Variants in RANBP2 observed in about 807,000 individuals in gnomAD.
RANBP2 encodes E3 SUMO-protein ligase RanBP2.
RANBP2 carries 57 observed loss-of-function variants against 303.6 expected under a neutral mutation model. The ratio of observed to expected loss-of-function variants is 0.19; its 90% CI spans 0.15 to 0.23. The LOEUF (loss-of-function observed/expected upper bound fraction) is 0.23, where lower values mean the gene tolerates loss of function less well. RANBP2 is among the 10% of genes least tolerant of loss of function. The probability of loss-of-function intolerance (pLI) is 1.00; values close to 1 mark genes in which losing one functional copy is unlikely to be tolerated. For missense variants in RANBP2, 3,138 were observed against 3,780.8 expected, an observed-to-expected ratio of 0.83 and a Z score of 4.46; for synonymous variants, 1,167 against 1,301.5, an observed-to-expected ratio of 0.90 and a Z score of 2.23.
the RANBP2 span, among the ~76,000 whole-genome samples, chr2:109,021,251 C>T: frequency 1.3e-5 from 2 of 152,108 alleles, no homozygotes; most frequent in African/African-American, 2.4e-5. Context: ...CCATCGGGCG[C>T]GGTGGCTCAC....
chr2:108,828,248 A>G, the RANBP2 span, among the ~76,000 whole-genome samples: 2 of 152,222 alleles, frequency 1.3e-5, no homozygotes, highest in Non-Finnish European at 2.9e-5. Flanking sequence ...AAATACGAGA[A>G]CAAGGAAGGT....
chr2:108,880,598 C>CATTCTGTAA, the RANBP2 span, among the ~76,000 whole-genome samples: 1 of 152,158 alleles, frequency 6.6e-6, no homozygotes, highest in Admixed American at 6.5e-5. Context: ...GCTCATTTGC[C>CATTCTGTAA]ATTCTGTAAA....
the RANBP2 span, among the ~76,000 whole-genome samples, chr2:108,887,698 T>C: frequency 6.6e-6 from 1 of 152,208 alleles, no homozygotes; most frequent in Admixed American, 6.5e-5. Flanking sequence ...GGTATAGAAA[T>C]GCTACTGATT....
At chr2:108,729,723 T>A (rs866102140) in intron 2 of RANBP2, among the ~76,000 whole-genome samples, 180 of 151,850 alleles carry the variant, frequency 1.2e-3, no homozygotes, top group African/African-American at 4.3e-3. Context: ...CAGGCTTTTT[T>A]TTTTTTTTTT....
the RANBP2 span, among the ~76,000 whole-genome samples, chr2:108,849,009 G>A: frequency 6.6e-6 from 1 of 152,084 alleles, no homozygotes; most frequent in African/African-American, 2.4e-5. Context: ...CATGAGCCTG[G>A]TAAGGGGATA....
the RANBP2 span, among the ~76,000 whole-genome samples, chr2:109,122,386 A>C: frequency 3.3e-5 from 5 of 152,198 alleles, no homozygotes; most frequent in African/African-American, 1.2e-4. Flanking sequence ...CTGCTGGGGG[A>C]CAGTGTAAAG....
At chr2:109,313,573 C>T in the RANBP2 span, 38 of 155,056 alleles carry the variant, frequency 2.5e-4, no homozygotes, top group African/African-American at 8.6e-4. Flanking sequence ...CAGATAGGGA[C>T]TGTCCTTGGC....
chr2:108,909,789 C>T, the RANBP2 span, among the ~76,000 whole-genome samples: 5 of 152,322 alleles, frequency 3.3e-5, no homozygotes, highest in East Asian at 1.9e-4. Context: ...GTGTGGTAAA[C>T]GCGGGAAAGG....
At chr2:109,520,739 T>C in the RANBP2 span, among the ~76,000 whole-genome samples, 3 of 138,694 alleles carry the variant, frequency 2.2e-5, 1 homozygote, top group South Asian at 7.4e-4. Flanking sequence ...GAGACCAGCC[T>C]GGCCAATACG....
chr2:109,545,687 A>G, the RANBP2 span: 1 of 1,464,194 alleles, frequency 6.8e-7, no homozygotes, highest in East Asian at 2.5e-5. Flanking sequence ...ATGAAATTCA[A>G]AATAACTCAT....
the RANBP2 span, among the ~76,000 whole-genome samples, chr2:109,530,380 G>A: frequency 2.0e-5 from 3 of 152,154 alleles, no homozygotes; most frequent in Admixed American, 1.3e-4. Flanking sequence ...TCCACTCTAC[G>A]GAGTCCAAGC....
At chr2:109,597,627 T>TCA in the RANBP2 span, among the ~76,000 whole-genome samples, 22 of 152,164 alleles carry the variant, frequency 1.4e-4, no homozygotes, top group Non-Finnish European at 2.6e-4. Flanking sequence ...TACATATATA[T>TCA]CACACACACA....
chr2:109,215,263 G>C, the RANBP2 span, among the ~76,000 whole-genome samples: 2 of 152,184 alleles, frequency 1.3e-5, no homozygotes, highest in African/African-American at 4.8e-5. Context: ...GAGGGTAGGG[G>C]AGAAGGCCAC....
chr2:108,819,838 G>A, the RANBP2 span, among the ~76,000 whole-genome samples: 3 of 149,702 alleles, frequency 2.0e-5, no homozygotes, highest in Non-Finnish European at 4.4e-5. Flanking sequence ...CAAAGCTTCA[G>A]AAACTCACCC....
At chr2:109,585,133 CTTTA>C in the RANBP2 span, 7 of 1,571,420 alleles carry the variant, frequency 4.5e-6, no homozygotes, top group African/African-American at 1.4e-5. Flanking sequence ...TACCTCTCTT[CTTTA>C]TTTATTTGGT....
the RANBP2 span, among the ~76,000 whole-genome samples, chr2:108,903,501 A>G: frequency 2.6e-5 from 4 of 152,218 alleles, no homozygotes; most frequent in Non-Finnish European, 5.9e-5. Flanking sequence ...ATGTTATTAC[A>G]TAATTTATAC....
the RANBP2 span, chr2:109,545,991 G>A: frequency 3.1e-5 from 47 of 1,512,958 alleles, no homozygotes; most frequent in South Asian, 5.3e-4. Context: ...AGGAAGATCC[G>A]ACAGGGCAAT....
At chr2:109,330,804 C>G in the RANBP2 span, among the ~76,000 whole-genome samples, 2 of 152,188 alleles carry the variant, frequency 1.3e-5, no homozygotes, top group African/African-American at 4.8e-5. Context: ...TCCCCACACA[C>G]TCCTAAAGAG....
At chr2:109,393,714 C>G in the RANBP2 span, among the ~76,000 whole-genome samples, 2 of 151,964 alleles carry the variant, frequency 1.3e-5, no homozygotes, top group Admixed American at 6.5e-5. Flanking sequence ...TCGCTCAGTG[C>G]TGAGGTTGCT....
Sources: allele counts gnomAD v4.1 joint callset (sites outside exome capture counted in the v4.1 genomes callset), GRCh38; gene constraint gnomAD v4.1.1; transcripts MANE v1.5; gene names NCBI Gene and HGNC (gene_info 2026-07-23, HGNC 2026-07-21).